C12orf42: variants seen among roughly 807,000 people sequenced by gnomAD.
The protein encoded by C12orf42 is chromosome 12 open reading frame 42, also known as uncharacterized protein C12orf42.
Under a neutral mutation model 21.6 loss-of-function variants are expected in C12orf42, and 25 were observed. The ratio of observed to expected loss-of-function variants is 1.16; its 90% CI spans 0.84 to 1.62. C12orf42 has a LOEUF of 1.62. Ranked by LOEUF, C12orf42 falls within the 40% of genes most tolerant of loss-of-function variation. The pLI is 0.00. For synonymous variants in C12orf42, 174 were observed against 175.0 expected, an observed-to-expected ratio of 0.99 and a Z score of 0.05; for missense variants, 483 against 459.3, an observed-to-expected ratio of 1.05 and a Z score of -0.47.
chr12:103,549,335 T>C, the C12orf42 span, among the ~76,000 whole-genome samples: 1 of 152,212 alleles, frequency 6.6e-6, no homozygotes, highest in African/African-American at 2.4e-5. Context: ...GTCCCATGCG[T>C]GTCTCAGACT....
the C12orf42 span, among the ~76,000 whole-genome samples, chr12:103,148,952 A>G: frequency 6.6e-6 from 1 of 152,180 alleles, no homozygotes; most frequent in Non-Finnish European, 1.5e-5. Flanking sequence ...CTTGATACAA[A>G]TTTATATTAA....
At chr12:103,443,277 A>G (rs1951371475) in intron 2 of C12orf42, among the ~76,000 whole-genome samples, 1 of 152,150 alleles carries the variant, frequency 6.6e-6, no homozygotes, top group African/African-American at 2.4e-5. Context: ...ACTGATACAG[A>G]ATGAGCCCTC....
chr12:103,442,298 C>T (rs1016327605), intron 2 of C12orf42, among the ~76,000 whole-genome samples: 20 of 152,278 alleles, frequency 1.3e-4, no homozygotes, highest in East Asian at 9.6e-4. Context: ...AGGAGCGATA[C>T]GATTGATGAT....
the C12orf42 span, among the ~76,000 whole-genome samples, chr12:103,207,916 T>G: frequency 6.6e-6 from 1 of 152,218 alleles, no homozygotes; most frequent in Non-Finnish European, 1.5e-5. Flanking sequence ...GCTTCATTTT[T>G]AACTTGCTTG....
At chr12:103,162,086 C>G in the C12orf42 span, among the ~76,000 whole-genome samples, 2 of 152,146 alleles carry the variant, frequency 1.3e-5, no homozygotes, top group Non-Finnish European at 2.9e-5. Flanking sequence ...ATTGCTCTTC[C>G]CCAACATTGG....
At chr12:103,255,432 C>T (rs1050110859) in intron 10 of C12orf42, among the ~76,000 whole-genome samples, 1 of 151,966 alleles carries the variant, frequency 6.6e-6, no homozygotes, top group Non-Finnish European at 1.5e-5. Context: ...AAATGAATGG[C>T]GTGTTAAAAT....
the C12orf42 span, among the ~76,000 whole-genome samples, chr12:103,227,653 C>T: frequency 0.028 from 4,313 of 151,916 alleles, 89 homozygotes; most frequent in Middle Eastern, 0.068. Context: ...CCCAGAAAAG[C>T]GGGACTTGCC....
intron 10 of C12orf42, among the ~76,000 whole-genome samples, chr12:103,258,627 G>A (rs752768055): frequency 2.6e-5 from 4 of 151,682 alleles, no homozygotes; most frequent in Non-Finnish European, 4.4e-5. Flanking sequence ...TAGAACTAAC[G>A]AAGATCCAAA....
chr12:103,237,182 T>C (rs761027473), downstream of C12orf42, among the ~76,000 whole-genome samples: 1 of 152,246 alleles, frequency 6.6e-6, no homozygotes, highest in Non-Finnish European at 1.5e-5. Flanking sequence ...AACACAACTG[T>C]AGAGTTGTTT....
At chr12:103,067,875 C>T in the C12orf42 span, among the ~76,000 whole-genome samples, 2 of 152,182 alleles carry the variant, frequency 1.3e-5, no homozygotes, top group African/African-American at 2.4e-5. Context: ...TAGTCTACTA[C>T]TCCACAACAG....
the C12orf42 span, among the ~76,000 whole-genome samples, chr12:103,179,653 C>A: frequency 1.3e-5 from 2 of 152,118 alleles, no homozygotes; most frequent in African/African-American, 2.4e-5. Context: ...AACAGGGAAC[C>A]ACTGAAAGGC....
the C12orf42 span, among the ~76,000 whole-genome samples, chr12:103,147,503 CTT>C: frequency 0.14 from 14,092 of 100,160 alleles, 645 homozygotes; most frequent in East Asian, 0.42. Context: ...CTTTTTTTTT[CTT>C]TTTTTTTTTT....
At chr12:103,468,923 G>C (rs1393478284) in intron 2 of C12orf42, among the ~76,000 whole-genome samples, 2 of 152,198 alleles carry the variant, frequency 1.3e-5, no homozygotes, top group Admixed American at 1.3e-4. Flanking sequence ...CAAAGCAGGG[G>C]TAATTTACTC....
At chr12:103,076,355 T>C in the C12orf42 span, among the ~76,000 whole-genome samples, 1 of 151,692 alleles carries the variant, frequency 6.6e-6, no homozygotes, top group Non-Finnish European at 1.5e-5. Flanking sequence ...TTGGGTATTA[T>C]AGGGGGTTAA....
At chr12:103,432,216 T>C (rs1950316804) in intron 2 of C12orf42, among the ~76,000 whole-genome samples, 1 of 152,208 alleles carries the variant, frequency 6.6e-6, no homozygotes, top group South Asian at 2.1e-4. Flanking sequence ...TTTTGCCTCT[T>C]AGTAAGCATG....
intron 4 of C12orf42, among the ~76,000 whole-genome samples, chr12:103,347,476 C>T (rs573085774): frequency 6.0e-4 from 91 of 152,006 alleles, no homozygotes; most frequent in Non-Finnish European, 8.1e-4. Context: ...TGGGTTGGTT[C>T]GAAGTCTTTG....
the C12orf42 span, among the ~76,000 whole-genome samples, chr12:103,188,782 T>C: frequency 6.6e-6 from 1 of 152,252 alleles, no homozygotes; most frequent in Non-Finnish European, 1.5e-5. Context: ...GAAAGCTTCA[T>C]CAGATGTGGT....
the C12orf42 span, among the ~76,000 whole-genome samples, chr12:103,532,938 C>A: frequency 6.6e-6 from 1 of 152,164 alleles, no homozygotes; most frequent in Non-Finnish European, 1.5e-5. Flanking sequence ...GCGCGGATCA[C>A]GGAGACAACG....
chr12:103,217,151 C>T, the C12orf42 span, among the ~76,000 whole-genome samples: 1 of 152,094 alleles, frequency 6.6e-6, no homozygotes, highest in Non-Finnish European at 1.5e-5. Flanking sequence ...CTGACAAGAC[C>T]TATTTCTCTG....
Sources: allele counts gnomAD v4.1 joint callset (sites outside exome capture counted in the v4.1 genomes callset), GRCh38; gene constraint gnomAD v4.1.1; transcripts MANE v1.5; gene names NCBI Gene and HGNC (gene_info 2026-07-23, HGNC 2026-07-21).